Variants in KSR2 observed in about 807,000 individuals in gnomAD.
The protein encoded by KSR2 is kinase suppressor of ras 2.
Under a neutral mutation model 107.8 loss-of-function variants are expected in KSR2, and 25 were observed. That is an observed-to-expected ratio of 0.23 (90% CI 0.17 to 0.32). The LOEUF (loss-of-function observed/expected upper bound fraction) is 0.32. KSR2 is among the 10% of genes least tolerant of loss of function. The pLI is 1.00. For synonymous variants in KSR2, 480 were observed against 507.0 expected (o/e 0.95, Z 0.71); for missense variants, 887 against 1,268.9 (o/e 0.70, Z 4.57).
intron 3 of KSR2, among the ~76,000 whole-genome samples, chr12:117,786,129 T>C (rs901311387): frequency 6.6e-6 from 1 of 152,136 alleles, no homozygotes; most frequent in Non-Finnish European, 1.5e-5. Flanking sequence ...AGGAGATTTC[T>C]TATCAAGACT....
At chr12:117,470,468 G>A (rs543754959) in intron 18 of KSR2, among the ~76,000 whole-genome samples, 5 of 152,082 alleles carry the variant, frequency 3.3e-5, no homozygotes, top group Admixed American at 6.5e-5. Flanking sequence ...TAACAACCAG[G>A]TAAGCTCTAT....
At chr12:117,696,933 T>G (rs994992909) in intron 4 of KSR2, among the ~76,000 whole-genome samples, 1 of 152,150 alleles carries the variant, frequency 6.6e-6, no homozygotes, top group African/African-American at 2.4e-5. Context: ...TTCAATCTTT[T>G]TCACATCACG....
chr12:117,708,479 C>T (rs551738248), intron 4 of KSR2, among the ~76,000 whole-genome samples: 3 of 152,164 alleles, frequency 2.0e-5, no homozygotes, highest in Admixed American at 6.5e-5. Flanking sequence ...AATCACCATG[C>T]CTCATCACTT....
At chr12:117,762,754 C>T (rs1468670129) in intron 3 of KSR2, among the ~76,000 whole-genome samples, 1 of 151,834 alleles carries the variant, frequency 6.6e-6, no homozygotes, top group African/African-American at 2.4e-5. Context: ...GTAATCCCAG[C>T]TACTCAGAAG....
intron 1 of KSR2, among the ~76,000 whole-genome samples, chr12:117,923,904 G>A (rs1452122280): frequency 2.7e-5 from 4 of 148,690 alleles, no homozygotes; most frequent in East Asian, 2.0e-4. Flanking sequence ...TGAGACAAGA[G>A]TTTCACGCTT....
chr12:117,611,992 TG>T (rs1429627228), intron 5 of KSR2, among the ~76,000 whole-genome samples: 5 of 152,300 alleles, frequency 3.3e-5, no homozygotes, highest in African/African-American at 1.2e-4. Flanking sequence ...TAGTGTTTAA[TG>T]AGTACAGAGT....
At chr12:117,797,634 T>C (rs1194727453) in intron 3 of KSR2, among the ~76,000 whole-genome samples, 1 of 135,762 alleles carries the variant, frequency 7.4e-6, no homozygotes, top group African/African-American at 3.0e-5. Context: ...AATTTTATAT[T>C]ATATAAATTT....
chr12:117,847,240 T>C (rs1490750061), intron 3 of KSR2, among the ~76,000 whole-genome samples: 1 of 152,196 alleles, frequency 6.6e-6, no homozygotes, highest in Non-Finnish European at 1.5e-5. Context: ...GACCCACTCT[T>C]AGTCTTTGTT....
chr12:117,772,585 A>G (rs1223798449), intron 3 of KSR2, among the ~76,000 whole-genome samples: 1 of 145,752 alleles, frequency 6.9e-6, no homozygotes, highest in Non-Finnish European at 1.5e-5. Flanking sequence ...CACACACACC[A>G]TTCCCCCAAA....
At position 117,556,545 on chromosome 12, in the gene KSR2, G is replaced by A. The variant is rs117993392; in HGVS notation, c.1394-1252C>T. ...TTCTCTGTTTTTGGAGATAAACAGT[G>A]CAACGATCATCGAAAACCAACTGCC... On this transcript the variant is annotated intron_variant, in intron 8 of 19. Coordinates refer to ENST00000339824, the MANE Select transcript of KSR2 (RefSeq NM_173598.6). 3.8e-3 allele frequency among the ~76,000 whole-genome samples: 577 copies of A among 152,298 alleles called. 9 individuals are homozygous for A. In the East Asian group the frequency reaches 0.041, roughly 11 times the overall value.
intron 4 of KSR2, among the ~76,000 whole-genome samples, chr12:117,741,377 G>T (rs1005136891): frequency 4.6e-5 from 7 of 151,576 alleles, no homozygotes; most frequent in Non-Finnish European, 1.0e-4. Flanking sequence ...AATTTAATTA[G>T]CTGGGCACAG....
In KSR2 at chr12:117,527,082, G is replaced by C. The variant is rs1875222746; in HGVS notation, c.1840C>G (p.Pro614Ala). ...GNPLLQIEVEPTSENEEVHDE... is the reference protein window; with the variant it reads ...GNPLLQIEVEATSENEEVHDE... ...TCTCTGATTCTCACCTCCGACGTTG[G>C]CTCCACTTCAATTTGAAGTAATGGA... Residue 614 changes from proline (P) to alanine (A), a missense_variant, in exon 13 of 20, where the codon CCA becomes GCA. Physicochemically the swap from Pro to Ala is conservative, Grantham distance 27 (BLOSUM62 -1). Around this residue, in one of 8 missense-constraint regions of KSR2, gnomAD observed 308 missense variants for 506.2 expected, o/e 0.61. Transcript: ENST00000339824. 6.2e-7 allele frequency: 1 copy of C among 1,613,586 alleles called. No homozygotes were observed. The highest frequency in any genetic ancestry group is 2.2e-5 in the East Asian group (1 of 44,880).
chr12:117,891,741 C>T (rs1156699917), intron 1 of KSR2, among the ~76,000 whole-genome samples: 1 of 152,184 alleles, frequency 6.6e-6, no homozygotes, highest in Non-Finnish European at 1.5e-5. Context: ...AATCCTAGCA[C>T]TTTGGGAGGC....
chr12:117,649,550 G>A (rs569004399), intron 5 of KSR2, among the ~76,000 whole-genome samples: 2 of 152,306 alleles, frequency 1.3e-5, no homozygotes, highest in East Asian at 3.9e-4. Context: ...ATGAGAAAGG[G>A]ATATGATGCC....
intron 5 of KSR2, among the ~76,000 whole-genome samples, chr12:117,657,834 GTGA>G (rs1248055796): frequency 6.6e-6 from 1 of 152,244 alleles, no homozygotes; most frequent in Non-Finnish European, 1.5e-5. Flanking sequence ...GCCAGGCACA[GTGA>G]TGAACAAGAC....
intron 3 of KSR2, among the ~76,000 whole-genome samples, chr12:117,765,990 G>A (rs967136037): frequency 1.3e-5 from 2 of 152,120 alleles, no homozygotes; most frequent in African/African-American, 2.4e-5. Flanking sequence ...CTGCCCTCAA[G>A]ATGATCCCAG....
chr12:117,959,968 G>A (rs1012006693), intron 1 of KSR2, among the ~76,000 whole-genome samples: 6 of 150,922 alleles, frequency 4.0e-5, no homozygotes, highest in South Asian at 2.1e-4. Context: ...GTACCTTAGC[G>A]TCTTAGCAAA....
chr12:117,499,825 T>C (rs1265944790), intron 14 of KSR2, among the ~76,000 whole-genome samples: 1 of 152,170 alleles, frequency 6.6e-6, no homozygotes, highest in Non-Finnish European at 1.5e-5. Context: ...AGACGCGTGG[T>C]AGGCATAACC....
chr12:117,775,626 A>G (rs1708054398), intron 3 of KSR2, among the ~76,000 whole-genome samples: 1 of 152,194 alleles, frequency 6.6e-6, no homozygotes, highest in South Asian at 2.1e-4. Context: ...CATACTGCAC[A>G]TCTGAATAGG....
Sources: gnomAD v4.1 joint callset for allele counts (sites outside exome capture counted in the v4.1 genomes callset) on GRCh38, gnomAD v4.1.1 for gene constraint, gnomAD v4.1.1 regional missense constraint, MANE v1.5 for transcripts, NCBI Gene and HGNC (gene_info 2026-07-23, HGNC 2026-07-21) for gene names.